Variants in GALNT17 observed in about 807,000 individuals in gnomAD.
GALNT17 encodes UDP-GalNAc:polypeptide N-acetylgalactosaminyltransferase-like 3.
A neutral mutation model predicts 63.7 loss-of-function variants in GALNT17; 29 were observed. The observed-to-expected ratio is 0.46, with a 90% CI of 0.34 to 0.62. GALNT17 has a LOEUF of 0.62. GALNT17 is among the 20% of genes least tolerant of loss of function. The pLI, the probability that GALNT17 is intolerant of heterozygous loss-of-function variation, is 0.01. For missense variants in GALNT17, 603 were observed against 799.6 expected (o/e 0.75, Z 2.97); for synonymous variants, 305 against 318.3 (o/e 0.96, Z 0.45).
At chr7:71,564,169 G>T (rs1385284012) in intron 5 of GALNT17, among the ~76,000 whole-genome samples, 1 of 151,958 alleles carries the variant, frequency 6.6e-6, no homozygotes, top group Non-Finnish European at 1.5e-5. Context: ...TCCAGGGAGG[G>T]TCACCTGCTG....
chr7:71,275,684 G>A (rs1033402415), intron 1 of GALNT17, among the ~76,000 whole-genome samples: 2 of 152,184 alleles, frequency 1.3e-5, no homozygotes, highest in Non-Finnish European at 2.9e-5. Context: ...TGAGGAAGTG[G>A]GATGCACGTG....
At chr7:71,322,157 T>G (rs1791628616) in intron 1 of GALNT17, among the ~76,000 whole-genome samples, 1 of 151,750 alleles carries the variant, frequency 6.6e-6, no homozygotes, top group Non-Finnish European at 1.5e-5. Flanking sequence ...TCTCATTATG[T>G]TGCCCAGGCT....
At chr7:71,554,522 A>G (rs1471988590) in intron 5 of GALNT17, among the ~76,000 whole-genome samples, 1 of 152,082 alleles carries the variant, frequency 6.6e-6, no homozygotes, top group Non-Finnish European at 1.5e-5. Flanking sequence ...CGCCTGGGGT[A>G]CTCAGGAACT....
chr7:71,293,702 C>T (rs73177835), intron 1 of GALNT17, among the ~76,000 whole-genome samples: 25,596 of 152,150 alleles, frequency 0.17, 2,481 homozygotes, highest in East Asian at 0.32. Flanking sequence ...GATAGCTTTG[C>T]AGGGTATAGT....
chr7:71,647,747 G>A (rs796744405), intron 6 of GALNT17, among the ~76,000 whole-genome samples: 3 of 152,326 alleles, frequency 2.0e-5, no homozygotes, highest in African/African-American at 7.2e-5. Flanking sequence ...CCAAGCCTCT[G>A]TGAACCCACT....
intron 1 of GALNT17, among the ~76,000 whole-genome samples, chr7:71,301,426 T>C (rs1393826603): frequency 6.8e-6 from 1 of 147,592 alleles, no homozygotes; most frequent in African/African-American, 2.5e-5. Context: ...TATAATAAAA[T>C]ATATAACATA....
At chr7:71,365,060 A>T (rs1224198829) in intron 2 of GALNT17, among the ~76,000 whole-genome samples, 1 of 151,596 alleles carries the variant, frequency 6.6e-6, no homozygotes, top group Non-Finnish European at 1.5e-5. Context: ...CCTCCCAAGT[A>T]GCTGTGATTA....
At chr7:71,213,860 A>C (rs2116399206) in intron 1 of GALNT17, among the ~76,000 whole-genome samples, 1 of 152,224 alleles carries the variant, frequency 6.6e-6, no homozygotes, top group African/African-American at 2.4e-5. Flanking sequence ...TATTGATTAC[A>C]TTCTTCTGGT....
intron 1 of GALNT17, among the ~76,000 whole-genome samples, chr7:71,238,675 C>T (rs115060464): frequency 0.01 from 1,567 of 152,252 alleles, 27 homozygotes; most frequent in African/African-American, 0.036. Context: ...TCTCTGTGTG[C>T]GGTTAAACAC....
intron 1 of GALNT17, among the ~76,000 whole-genome samples, chr7:71,138,310 C>T (rs1000418255): frequency 8.6e-5 from 11 of 128,272 alleles, no homozygotes; most frequent in African/African-American, 3.2e-4. Flanking sequence ...TGCTCCCCAG[C>T]CTTCTGGCTC....
chr7:71,400,158 A>AC (rs1238585354), intron 3 of GALNT17, among the ~76,000 whole-genome samples: 1 of 147,956 alleles, frequency 6.8e-6, no homozygotes, highest in Non-Finnish European at 1.5e-5. Flanking sequence ...CTTGTCCCCC[A>AC]CCCCCTGACA....
At chr7:71,495,486 G>A (rs377068821) in intron 5 of GALNT17, among the ~76,000 whole-genome samples, 28 of 152,154 alleles carry the variant, frequency 1.8e-4, no homozygotes, top group East Asian at 7.7e-4. Context: ...TAACCTCGGT[G>A]GGGAGGCATT....
chr7:71,590,220 T>C (rs1347456201), intron 6 of GALNT17, among the ~76,000 whole-genome samples: 1 of 152,186 alleles, frequency 6.6e-6, no homozygotes, highest in Non-Finnish European at 1.5e-5. Flanking sequence ...TGATGTCTAA[T>C]GTATTTCTAT....
chr7:71,182,556 C>T (rs1373574749), intron 1 of GALNT17, among the ~76,000 whole-genome samples: 7 of 152,136 alleles, frequency 4.6e-5, no homozygotes, highest in Non-Finnish European at 1.0e-4. Context: ...CAGCATTTAA[C>T]ATTTGTAGGC....
intron 5 of GALNT17, among the ~76,000 whole-genome samples, chr7:71,557,056 T>TG (rs1789176000): frequency 1.3e-5 from 1 of 75,792 alleles, no homozygotes; most frequent in African/African-American, 4.9e-5. Context: ...CCAGCTAATT[T>TG]TTTTTTTTTT....
chr7:71,258,952 A>G (rs892417901), intron 1 of GALNT17, among the ~76,000 whole-genome samples: 1 of 152,172 alleles, frequency 6.6e-6, no homozygotes, highest in Non-Finnish European at 1.5e-5. Flanking sequence ...GAAAGCCTAC[A>G]GGGTGGGGCA....
At chr7:71,694,733 A>T (rs1404923845) in intron 9 of GALNT17, among the ~76,000 whole-genome samples, 2 of 152,216 alleles carry the variant, frequency 1.3e-5, no homozygotes, top group African/African-American at 4.8e-5. Context: ...GCAGAGTCCC[A>T]TAGGGCTAAA....
chr7:71,389,787 C>G (rs148827901), intron 3 of GALNT17, among the ~76,000 whole-genome samples: 9 of 152,310 alleles, frequency 5.9e-5, no homozygotes, highest in African/African-American at 2.2e-4. Context: ...GAATTCTCCT[C>G]TGGGCCACTG....
intron 1 of GALNT17, among the ~76,000 whole-genome samples, chr7:71,147,206 T>C (rs1788040001): frequency 6.6e-6 from 1 of 151,250 alleles, no homozygotes; most frequent in African/African-American, 2.5e-5. Context: ...GGGACAGATA[T>C]ATATGAGTTT....
Sources: allele counts gnomAD v4.1 joint callset (sites outside exome capture counted in the v4.1 genomes callset), GRCh38; gene constraint gnomAD v4.1.1; transcripts MANE v1.5; gene names NCBI Gene and HGNC (gene_info 2026-07-23, HGNC 2026-07-21).